MAGI2: variants seen among roughly 807,000 people sequenced by gnomAD.
The protein encoded by MAGI2 is membrane associated guanylate kinase, WW and PDZ domain containing 2.
In MAGI2, 35 loss-of-function variants were observed where a neutral mutation model predicts 133.3. The ratio of observed to expected loss-of-function variants is 0.26; its 90% CI spans 0.20 to 0.35. The LOEUF (loss-of-function observed/expected upper bound fraction) is 0.35, where lower values mean the gene tolerates loss of function less well. Among genes scored for constraint, MAGI2 ranks in the 10% least tolerant of loss-of-function variants. MAGI2 has a pLI of 1.00. For missense variants in MAGI2, 1,636 were observed against 1,863.4 expected (o/e 0.88, Z 2.25); for synonymous variants, 729 against 710.6 (o/e 1.03, Z -0.41).
At chr7:79,150,115 G>A (rs2129546889) in intron 1 of MAGI2, among the ~76,000 whole-genome samples, 1 of 152,254 alleles carries the variant, frequency 6.6e-6, no homozygotes, top group Non-Finnish European at 1.5e-5. Flanking sequence ...AAGGAATGCA[G>A]GGAGATGAGC....
At chr7:78,021,405 C>A (rs1200789098) in intron 21 of MAGI2, among the ~76,000 whole-genome samples, 1 of 152,204 alleles carries the variant, frequency 6.6e-6, no homozygotes, top group Non-Finnish European at 1.5e-5. Context: ...ACAGCAACCT[C>A]AGTGCATGTG....
intron 1 of MAGI2, among the ~76,000 whole-genome samples, chr7:79,028,292 T>C (rs1314946675): frequency 3.3e-5 from 1 of 30,052 alleles, no homozygotes; most frequent in African/African-American, 1.1e-4. Flanking sequence ...TATATATATA[T>C]GTGTGTATAT....
rs544581799 is a variant in MAGI2 at position 78,678,096 on chromosome 7, C to T, written c.419-50857G>A. 3.3e-5 allele frequency among the ~76,000 whole-genome samples: 5 copies of T among 152,180 alleles called. No homozygotes were observed. In the South Asian group the frequency reaches 1.0e-3, roughly 32 times the overall value. ...GGCAGTACCGATCAGAGAGAGAATGCTTTTTATTGGGTAGCTGGACTAAGA... is the reference window on the plus strand; with the variant it reads ...GGCAGTACCGATCAGAGAGAGAATGTTTTTTATTGGGTAGCTGGACTAAGA... On this transcript the variant is annotated intron_variant, in intron 2 of 21. Coordinates refer to ENST00000354212, the MANE Select transcript of MAGI2 (RefSeq NM_012301.4).
intron 1 of MAGI2, among the ~76,000 whole-genome samples, chr7:79,066,777 A>G (rs1179680076): frequency 6.6e-6 from 1 of 152,074 alleles, no homozygotes; most frequent in East Asian, 1.9e-4. Flanking sequence ...TCTTGAGTTC[A>G]TTTTTGTACA....
intron 3 of MAGI2, among the ~76,000 whole-genome samples, chr7:78,558,837 G>GTTTTTTTTTTTTT (rs10691115): frequency 7.7e-5 from 10 of 130,052 alleles, no homozygotes; most frequent in Non-Finnish European, 9.6e-5. Context: ...TTGAGACACC[G>GTTTTTTTTTTTTT]TTTTTTTTTT....
chr7:79,125,295 A>G (rs773055446), intron 1 of MAGI2: 98 of 459,784 alleles, frequency 2.1e-4, no homozygotes, highest in Non-Finnish European at 3.0e-4. Flanking sequence ...AGAGATGGCT[A>G]GTGCTTCATC....
chr7:78,317,189 C>T (rs569437682), intron 9 of MAGI2, among the ~76,000 whole-genome samples: 3 of 152,194 alleles, frequency 2.0e-5, no homozygotes, highest in Non-Finnish European at 4.4e-5. Flanking sequence ...CTATTATACT[C>T]TCATAAAAAG....
At chr7:78,404,563 T>TG (rs542152096) in intron 6 of MAGI2, among the ~76,000 whole-genome samples, 4,103 of 152,184 alleles carry the variant, frequency 0.027, 86 homozygotes, top group Middle Eastern at 0.048. Context: ...AAAGAAGAAA[T>TG]GGGGAAAGGA....
intron 21 of MAGI2, among the ~76,000 whole-genome samples, 189 bp from the exon 22 acceptor site, chr7:78,020,165 C>T (rs1317603059): frequency 5.7e-5 from 8 of 139,406 alleles, no homozygotes; most frequent in South Asian, 5.3e-4. Flanking sequence ...TTTGGGGGTT[C>T]CCTCCGCCCC....
intron 3 of MAGI2, among the ~76,000 whole-genome samples, chr7:78,578,502 G>A (rs1802500735): frequency 1.3e-5 from 2 of 151,948 alleles, no homozygotes; most frequent in Admixed American, 1.3e-4. Flanking sequence ...AAGGGTAAAT[G>A]AAAAAGGCAA....
intron 1 of MAGI2, among the ~76,000 whole-genome samples, chr7:79,426,792 T>G (rs1313725707): frequency 2.0e-5 from 3 of 152,164 alleles, no homozygotes; most frequent in Non-Finnish European, 4.4e-5. Flanking sequence ...GGAGTTTACA[T>G]GAGTGATATC....
At chr7:79,255,089 AT>A (rs1833588112) in intron 1 of MAGI2, among the ~76,000 whole-genome samples, 1 of 152,030 alleles carries the variant, frequency 6.6e-6, no homozygotes, top group African/African-American at 2.4e-5. Flanking sequence ...TTCTATTCTA[AT>A]TTTTTATGCC....
chr7:78,195,812 A>G (rs1407687275), intron 11 of MAGI2, among the ~76,000 whole-genome samples: 1 of 152,180 alleles, frequency 6.6e-6, no homozygotes, highest in Admixed American at 6.5e-5. Flanking sequence ...ACCATTTTTT[A>G]TCAAGGAGGA....
At chr7:79,047,763 C>T (rs376400127) in intron 1 of MAGI2, among the ~76,000 whole-genome samples, 1 of 151,948 alleles carries the variant, frequency 6.6e-6, no homozygotes, top group Non-Finnish European at 1.5e-5. Flanking sequence ...CTTATAATCC[C>T]TGATTATAAG....
chr7:78,316,151 C>G (rs989084192), intron 9 of MAGI2, among the ~76,000 whole-genome samples: 16 of 152,282 alleles, frequency 1.1e-4, no homozygotes, highest in Non-Finnish European at 4.4e-5. Flanking sequence ...CCTGCAGCTA[C>G]TACTTTAAAT....
At chr7:79,327,815 A>C (rs968654030) in intron 1 of MAGI2, among the ~76,000 whole-genome samples, 4 of 152,106 alleles carry the variant, frequency 2.6e-5, no homozygotes, top group Admixed American at 6.6e-5. Flanking sequence ...AGAAAAATCT[A>C]CTGTTAATGT....
chr7:78,586,567 A>G (rs1021526081), intron 3 of MAGI2, among the ~76,000 whole-genome samples: 1 of 152,104 alleles, frequency 6.6e-6, no homozygotes, highest in African/African-American at 2.4e-5. Flanking sequence ...TTTTTTTCAG[A>G]TGATAAAATA....
chr7:78,484,137 A>G (rs1372433843), intron 6 of MAGI2: 1 of 151,978 alleles, frequency 6.6e-6, no homozygotes, highest in Non-Finnish European at 1.5e-5. Context: ...AAATATGAAC[A>G]CAAAAGTATG....
At chr7:79,379,168 G>T (rs1199643312) in intron 1 of MAGI2, among the ~76,000 whole-genome samples, 2 of 146,912 alleles carry the variant, frequency 1.4e-5, no homozygotes, top group Admixed American at 6.8e-5. Flanking sequence ...GTGTCCAAGT[G>T]TTCTCATTGT....
Sources: allele counts gnomAD v4.1 joint callset (sites outside exome capture counted in the v4.1 genomes callset), GRCh38; gene constraint gnomAD v4.1.1; transcripts MANE v1.5; gene names NCBI Gene and HGNC (gene_info 2026-07-23, HGNC 2026-07-21).